The following KIAA1671 variants were observed in gnomAD, a reference collection of about 807,000 sequenced individuals.
The protein encoded by KIAA1671 is uncharacterized protein KIAA1671.
KIAA1671 carries 52 observed loss-of-function variants against 131.2 expected under a neutral mutation model. The ratio of observed to expected loss-of-function variants is 0.40; its 90% confidence interval spans 0.32 to 0.50. KIAA1671 has a LOEUF of 0.50. Ranked by LOEUF, KIAA1671 falls within the 20% of genes least tolerant of loss-of-function variation. The probability of loss-of-function intolerance (pLI) is 0.73; values close to 1 mark genes in which losing one functional copy is unlikely to be tolerated. For missense variants in KIAA1671, 2,360 were observed against 2,364.2 expected (o/e 1.00, Z 0.04); for synonymous variants, 1,003 against 961.6 (o/e 1.04, Z -0.80).
At chr22:25,000,209 T>TAAATGTAGCTTTCGATG (rs1241803812) in intron 1 of KIAA1671, among the ~76,000 whole-genome samples, 15 of 72,222 alleles carry the variant, frequency 2.1e-4, no homozygotes, top group Non-Finnish European at 2.7e-4. Flanking sequence ...TTTTTTTTTT[T>TAAATGTAGCTTTCGATG]TTGAGACGGA....
At chr22:25,154,083 A>C (rs796749961) in intron 6 of KIAA1671, among the ~76,000 whole-genome samples, 7 of 152,322 alleles carry the variant, frequency 4.6e-5, no homozygotes, top group African/African-American at 1.7e-4. Flanking sequence ...TCAGCCAAGT[A>C]AGGTCCGGCT....
chr22:25,150,850 T>TTTTTTTTTTTTTTTG (rs59417203), intron 6 of KIAA1671, among the ~76,000 whole-genome samples: 2 of 150,266 alleles, frequency 1.3e-5, no homozygotes, highest in African/African-American at 2.5e-5. Context: ...TTTTTTTTTT[T>TTTTTTTTTTTTTTTG]GAGATGGAGT....
intron 1 of KIAA1671, among the ~76,000 whole-genome samples, chr22:24,966,397 C>T (rs1922308345): frequency 6.6e-6 from 1 of 152,212 alleles, no homozygotes; most frequent in South Asian, 2.1e-4. Flanking sequence ...CCTGTCTGGA[C>T]TTGAAGCCTG....
At chr22:25,092,985 G>A (rs1459089809) in intron 6 of KIAA1671, among the ~76,000 whole-genome samples, 1 of 152,200 alleles carries the variant, frequency 6.6e-6, no homozygotes, top group Non-Finnish European at 1.5e-5. Flanking sequence ...CACCAGCTGA[G>A]TATGGATGGG....
chr22:25,184,626 GAACGGAGCTAAGCTGCAGCTGT>G (rs1934408596), intron 10 of KIAA1671, among the ~76,000 whole-genome samples: 1 of 152,204 alleles, frequency 6.6e-6, no homozygotes, highest in Non-Finnish European at 1.5e-5. Flanking sequence ...GTAAGGAACT[GAACGGAGCTAAGCTGCAGCTGT>G]TGGATGGAGG....
chr22:25,031,479 A>C (rs975905577), intron 3 of KIAA1671, among the ~76,000 whole-genome samples: 46 of 152,236 alleles, frequency 3.0e-4, no homozygotes, highest in African/African-American at 1.0e-3. Context: ...TACAGGCGTG[A>C]GCCACCACGC....
At chr22:25,116,557 G>T (rs1931676298) in intron 6 of KIAA1671, among the ~76,000 whole-genome samples, 2 of 151,992 alleles carry the variant, frequency 1.3e-5, no homozygotes, top group African/African-American at 4.8e-5. Flanking sequence ...GAGTAGCTGG[G>T]ACTGCAGGCG....
Position 25,073,834 on chromosome 22 carries a change from C to G in KIAA1671, c.4530+24470C>G, listed in dbSNP as rs144004114. ...TCAGCCTCCCGAGTCGCTGAGACTA[C>G]AGGTGCGTGCCACCATGCCTGGCTA... On this transcript the variant is annotated intron_variant, in intron 6 of 12. Coordinates refer to ENST00000358431, the MANE Select transcript of KIAA1671 (RefSeq NM_001145206.2). 5.7e-3 allele frequency among the ~76,000 whole-genome samples: 872 copies of G among 152,290 alleles called. 13 individuals carry two copies. The highest frequency in any genetic ancestry group is 0.02 in the African/African-American group (845 of 41,556).
At chr22:25,037,747 G>A (rs979345713) in intron 4 of KIAA1671, among the ~76,000 whole-genome samples, 7 of 152,242 alleles carry the variant, frequency 4.6e-5, no homozygotes, top group Admixed American at 3.9e-4. Context: ...TATATAAATG[G>A]AGTCTTATAT....
chr22:25,102,080 A>G (rs1335949353), intron 6 of KIAA1671, among the ~76,000 whole-genome samples: 1 of 152,224 alleles, frequency 6.6e-6, no homozygotes, highest in Non-Finnish European at 1.5e-5. Flanking sequence ...GGAACAGCAT[A>G]TGCAAAAGGC....
Position 25,195,500 on chromosome 22 carries a change from G to T in KIAA1671, c.*3099G>T, listed in dbSNP as rs1181731393. 6.6e-6 allele frequency: 1 copy of T among 152,170 alleles called. No homozygotes were observed. The highest frequency in any genetic ancestry group is 1.9e-4 in the East Asian group (1 of 5,184). The allele number at this position is 152,170 out of a possible 1,614,324, so 9.4% of individuals were successfully genotyped here. On this transcript the variant is annotated 3_prime_UTR_variant, in exon 13 of 13. Coordinates refer to ENST00000358431, the MANE Select transcript of KIAA1671 (RefSeq NM_001145206.2). The stretch of plus-strand genomic sequence containing the variant: ...ATCAGATGGCGGTGTTTTCCAGGGG[G>T]ACGCGCCAAATCATGTGGTTTCAGA...
At chr22:25,167,834 A>G (rs1282724441) in intron 6 of KIAA1671, among the ~76,000 whole-genome samples, 1 of 152,188 alleles carries the variant, frequency 6.6e-6, no homozygotes, top group African/African-American at 2.4e-5. Flanking sequence ...GAGTATCTCT[A>G]AAAGGCAAGA....
chr22:25,096,222 C>G (rs189868570), intron 6 of KIAA1671, among the ~76,000 whole-genome samples: 1 of 152,198 alleles, frequency 6.6e-6, no homozygotes, highest in East Asian at 1.9e-4. Context: ...TCTCAGAACT[C>G]CAAAAAGTGC....
intron 7 of KIAA1671, 37 bp downstream of exon 7, chr22:25,170,975 G>A (rs1456427583): frequency 2.0e-6 from 3 of 1,520,398 alleles, no homozygotes; most frequent in South Asian, 2.4e-5. Flanking sequence ...CTGCAAAGGG[G>A]GCAGCTGGGC....
At chr22:25,088,988 G>A (rs995746136) in intron 6 of KIAA1671, among the ~76,000 whole-genome samples, 3 of 152,170 alleles carry the variant, frequency 2.0e-5, no homozygotes, top group Non-Finnish European at 4.4e-5. Context: ...GAAGAAAAAT[G>A]TATGGTTGTA....
At chr22:25,160,278 A>G (rs1933391873) in intron 6 of KIAA1671, among the ~76,000 whole-genome samples, 1 of 152,202 alleles carries the variant, frequency 6.6e-6, no homozygotes, top group Admixed American at 6.5e-5. Flanking sequence ...CAGCTCAGCC[A>G]CATGCACACA....
Position 25,039,208 on chromosome 22 carries a change from A to T in KIAA1671, c.2078A>T (p.Glu693Val). The change falls in exon 5 of 13, where the codon GAA becomes GTA. Residue 693 changes from glutamate (E) to valine (V), a missense_variant. By Grantham distance (121) the Glu-to-Val change is moderately radical (BLOSUM62 -2). Around this residue, in one of 3 missense-constraint regions of KIAA1671, gnomAD observed 1,185 missense variants for 1,126.2 expected, o/e 1.05. Transcript: ENST00000358431. Reference sequence around the variant, plus strand: ...GGACCAACCACCCTTTTGAATGGTGAACTGAGACCGTATCACACGCCTCTC... The same window carrying T: ...GGACCAACCACCCTTTTGAATGGTGTACTGAGACCGTATCACACGCCTCTC... ...KLGPTTLLNGELRPYHTPLRD... is the reference protein window; with the variant it reads ...KLGPTTLLNGVLRPYHTPLRD... The T allele has an allele frequency of 6.4e-7, 1 of 1,552,208 alleles. No individual in the cohort carries two copies. The highest frequency in any genetic ancestry group is 2.4e-5 in the East Asian group (1 of 40,928).
chr22:25,069,436 C>T (rs1928686886), intron 6 of KIAA1671, among the ~76,000 whole-genome samples: 1 of 152,182 alleles, frequency 6.6e-6, no homozygotes, highest in Non-Finnish European at 1.5e-5. Flanking sequence ...CCTCACTCCC[C>T]ACCTGGTGCA....
At chr22:24,973,757 T>C (rs1447788996) in intron 1 of KIAA1671, among the ~76,000 whole-genome samples, 1 of 152,144 alleles carries the variant, frequency 6.6e-6, no homozygotes. Context: ...TATGGAAATA[T>C]GAAGCTCCAG....
Sources: gnomAD v4.1 joint callset for allele counts (sites outside exome capture counted in the v4.1 genomes callset) on GRCh38, gnomAD v4.1.1 for gene constraint, gnomAD v4.1.1 regional missense constraint, MANE v1.5 for transcripts, NCBI Gene and HGNC (gene_info 2026-07-23, HGNC 2026-07-21) for gene names.